Variants in SLC25A42 observed in about 807,000 individuals in gnomAD.
The protein encoded by SLC25A42 is solute carrier family 25 member 42.
Under a neutral mutation model 34.7 loss-of-function variants are expected in SLC25A42, and 19 were observed. The ratio of observed to expected loss-of-function variants is 0.55; its 90% CI spans 0.38 to 0.80. The LOEUF (loss-of-function observed/expected upper bound fraction) is 0.80, where lower values mean the gene tolerates loss of function less well. Among genes scored for constraint, SLC25A42 ranks in the 30% least tolerant of loss-of-function variants. The pLI is 0.00. For synonymous variants in SLC25A42, 205 were observed against 191.2 expected (o/e 1.07, Z -0.59); for missense variants, 364 against 441.3 (o/e 0.82, Z 1.57).
At chr19:19,107,863 TCC>T in intron 6 of SLC25A42, 29 bp from the exon 7 acceptor site, 1 of 1,612,704 alleles carries the variant, frequency 6.2e-7, no homozygotes, top group South Asian at 1.1e-5. Context: ...GAGGCCTGAG[TCC>T]CACCTGCTGG....
At chr19:19,101,121 G>T (rs892750897) in intron 2 of SLC25A42, among the ~76,000 whole-genome samples, 1 of 152,132 alleles carries the variant, frequency 6.6e-6, no homozygotes, top group South Asian at 2.1e-4. Context: ...GCTGTGCGGC[G>T]TGACCTTCCA....
chr19:19,067,218 T>C (rs2059607407), intron 1 of SLC25A42, among the ~76,000 whole-genome samples: 1 of 152,170 alleles, frequency 6.6e-6, no homozygotes, highest in South Asian at 2.1e-4. Flanking sequence ...TTCCTACCCC[T>C]GTCTTAGGTG....
intron 1 of SLC25A42, among the ~76,000 whole-genome samples, chr19:19,085,795 G>C (rs909460373): frequency 6.6e-6 from 1 of 152,096 alleles, no homozygotes; most frequent in African/African-American, 2.4e-5. Flanking sequence ...CAGACACCCT[G>C]AGGGGAGGGG....
At chr19:19,106,481 T>C in intron 6 of SLC25A42, 96 bp downstream of exon 6, 1 of 983,954 alleles carries the variant, frequency 1.0e-6, no homozygotes, top group Non-Finnish European at 1.5e-6. Flanking sequence ...GCCCCAGGGG[T>C]TTGCATCTGG....
In SLC25A42 at chr19:19,110,573, C is replaced by A; in HGVS notation, c.654C>A (p.Tyr218Ter). The A allele has an allele frequency of 7.0e-7, 1 of 1,432,480 alleles. No individual in the cohort carries two copies. Among genetic ancestry groups the A allele is most frequent in the South Asian group, 1.5e-5 (1 of 67,812 alleles). 88.7% of individuals were successfully genotyped at this position (1,432,480 alleles called of 1,614,324 possible). ...YETLKSLHRE[Y>*]SGRRQPYPFE... ...CTCCCGCCCCTCGCCCTGCAGAGTA[C>A]AGCGGCCGCCGGCAGCCCTACCCCT... Residue 218 changes from tyrosine (Y) to a stop codon, truncating the protein, a stop_gained, in exon 8 of 8, where the codon TAC becomes TAA. Coordinates refer to ENST00000318596, the MANE Select transcript of SLC25A42 (RefSeq NM_178526.5). LOFTEE classifies it high-confidence loss of function.
intron 6 of SLC25A42, among the ~76,000 whole-genome samples, chr19:19,107,584 CTG>C (rs1230059910): frequency 1.3e-5 from 2 of 152,014 alleles, no homozygotes; most frequent in African/African-American, 2.4e-5. Flanking sequence ...TGAGCCAAGA[CTG>C]TGACACTACA....
At chr19:19,107,856 G>A (rs1599692363) in intron 6 of SLC25A42, 38 bp from the exon 7 acceptor site, 2 of 1,612,596 alleles carry the variant, frequency 1.2e-6, no homozygotes, top group Non-Finnish European at 1.7e-6. Flanking sequence ...TGCCTGGGAG[G>A]CCTGAGTCCC....
At chr19:19,105,308 T>C (rs1247714777) in intron 4 of SLC25A42, 4 of 581,706 alleles carry the variant, frequency 6.9e-6, no homozygotes, top group Non-Finnish European at 1.2e-5. Context: ...CTGGTTCGCT[T>C]TGCAGTCCCC....
chr19:19,110,932 C>A lies in SLC25A42; in HGVS notation c.*56C>A. On this transcript the variant is annotated 3_prime_UTR_variant, in exon 8 of 8. Transcript: ENST00000318596. Reference sequence around the variant, plus strand: ...CCGGTGACCCCTTTGTATTCTGGGCCCATGGAACGGTGGGGGGGTGCGCTT... The same window carrying A: ...CCGGTGACCCCTTTGTATTCTGGGCACATGGAACGGTGGGGGGGTGCGCTT... The A allele has an allele frequency of 1.3e-6, 2 of 1,589,648 alleles. No homozygotes were observed. Among genetic ancestry groups the A allele is most frequent in the Non-Finnish European group, 8.6e-7 (1 of 1,163,180 alleles).
intron 7 of SLC25A42, among the ~76,000 whole-genome samples, chr19:19,108,293 G>A (rs1468340234): frequency 6.6e-6 from 1 of 152,208 alleles, no homozygotes; most frequent in East Asian, 1.9e-4. Context: ...GCTCGTGCCT[G>A]TAATCCCAGT....
chr19:19,093,052 G>T (rs2059746500), intron 1 of SLC25A42, among the ~76,000 whole-genome samples: 2 of 152,156 alleles, frequency 1.3e-5, no homozygotes, highest in African/African-American at 4.8e-5. Context: ...ACCCAGTCTT[G>T]CTCTGTCACC....
intron 1 of SLC25A42, among the ~76,000 whole-genome samples, chr19:19,073,714 A>G (rs922410770): frequency 2.6e-5 from 4 of 151,978 alleles, no homozygotes; most frequent in Non-Finnish European, 5.9e-5. Flanking sequence ...AGCTGGGATT[A>G]CAGGTATGTA....
At chr19:19,107,422 CAGG>C (rs1266889205) in intron 6 of SLC25A42, among the ~76,000 whole-genome samples, 2 of 151,888 alleles carry the variant, frequency 1.3e-5, no homozygotes, top group Admixed American at 1.3e-4. Flanking sequence ...CACCTGAGGT[CAGG>C]AGTTCAAGAC....
In SLC25A42 at chr19:19,072,010, T is replaced by TG. The variant is rs1420577462; in HGVS notation, c.-35+7896dup. ...CTGGCATGGGGCGACCCAGGATGAA[T>TG]GAGGGTCTTCAGGTGGTGAGATTAG... On this transcript the variant is annotated intron_variant, in intron 1 of 7. Coordinates refer to ENST00000318596, the MANE Select transcript of SLC25A42 (RefSeq NM_178526.5). Among the ~76,000 whole-genome samples, 2 of 152,212 alleles carry TG rather than the reference T, an allele frequency of 1.3e-5. 1 individual carries two copies. Among genetic ancestry groups the TG allele is most frequent in the Non-Finnish European group, 2.9e-5 (2 of 68,032 alleles).
At chr19:19,095,457 T>TA (rs1019299658) in intron 1 of SLC25A42, among the ~76,000 whole-genome samples, 10 of 151,606 alleles carry the variant, frequency 6.6e-5, no homozygotes, top group African/African-American at 2.4e-4. Context: ...CTACTAAAAA[T>TA]AAAAAATTAG....
rs1175533894 is a variant in SLC25A42, at chr19:19,066,438, A to AT, written c.-35+2333dup. 5.1e-3 allele frequency among the ~76,000 whole-genome samples: 664 copies of AT among 129,400 alleles called. 4 individuals are homozygous for AT. The highest frequency in any genetic ancestry group is 0.015 in the African/African-American group (527 of 34,382). The allele number at this position is 129,400 out of a possible 152,430, so 84.9% of individuals were successfully genotyped here. A position where few individuals can be genotyped will look rare whatever the true frequency, so the allele number is the denominator to read the frequency against. ...GATGGCTGTTTAAGCTGCAGCCCAT[A>AT]TTTTTTTTTTCTTTCTTTTTTTTTT... On this transcript the variant is annotated intron_variant, in intron 1 of 7. Transcript: ENST00000318596.
rs557298217 is a variant in SLC25A42, at chr19:19,099,463, G to A, written c.82-2318G>A. 3.9e-5 allele frequency among the ~76,000 whole-genome samples: 6 copies of A among 152,206 alleles called. No homozygotes were observed. The South Asian group carries it at 8.3e-4, about 21-fold the overall frequency. ...TGGCACCTTGCTGTTGTAAAGATAG[G>A]ACTGGGAGACCAAAGAGGGCACCCT... On this transcript the variant is annotated intron_variant, in intron 2 of 7. Coordinates refer to ENST00000318596, the MANE Select transcript of SLC25A42 (RefSeq NM_178526.5).
intron 1 of SLC25A42, among the ~76,000 whole-genome samples, chr19:19,070,651 G>A (rs79671906): frequency 0.012 from 1,799 of 152,236 alleles, 43 homozygotes; most frequent in African/African-American, 0.041. Context: ...TAAATCTCAA[G>A]GTGAACTCAT....
intron 2 of SLC25A42, among the ~76,000 whole-genome samples, chr19:19,099,532 T>G (rs773840111): frequency 6.6e-6 from 1 of 152,022 alleles, no homozygotes; most frequent in Non-Finnish European, 1.5e-5. Flanking sequence ...AGGCCAAGTG[T>G]GTGGACAGAC....
Sources: allele counts gnomAD v4.1 joint callset (sites outside exome capture counted in the v4.1 genomes callset), GRCh38; gene constraint gnomAD v4.1.1; transcripts MANE v1.5; gene names NCBI Gene and HGNC (gene_info 2026-07-23, HGNC 2026-07-21).